The following ADGRL1 variants were observed in gnomAD, a reference collection of about 807,000 sequenced individuals.
ADGRL1 encodes the protein CIRL-1.
A neutral mutation model predicts 148.9 loss-of-function variants in ADGRL1; 31 were observed. The ratio of observed to expected loss-of-function variants is 0.21; its 90% CI spans 0.16 to 0.28. ADGRL1 has a LOEUF of 0.28. Among genes scored for constraint, ADGRL1 ranks in the 10% least tolerant of loss-of-function variants. ADGRL1 has a pLI of 1.00. For synonymous variants in ADGRL1, 937 were observed against 900.3 expected, an observed-to-expected ratio of 1.04 and a Z score of -0.73; for missense variants, 1,521 against 2,058.8, an observed-to-expected ratio of 0.74 and a Z score of 5.05.
At position 14,159,513 on chromosome 19, in the gene ADGRL1, C is replaced by T. The variant is rs376150835; in HGVS notation, c.1911G>A (p.Thr637=). Residue 637 remains threonine (T), a synonymous_variant, in exon 10 of 23, where the codon ACG becomes ACA. Transcript: ENST00000361434. This position sits in a 1 kb window ranked among gnomAD's most constrained non-coding sequence, Gnocchi z 6.0. ...GCATGGTGGCCGTGTGCACCTGCTC[C>T]GTGGCATTCATGTCCTTCCAGGACT... ...ALESWKDMNA[T]EQVHTATMLL... The T allele has an allele frequency of 8.1e-6, 13 of 1,612,604 alleles. No homozygotes were observed. Among genetic ancestry groups the T allele is most frequent in the African/African-American group, 5.3e-5 (4 of 74,892 alleles).
chr19:14,187,397 C>CA (rs1382020710), intron 1 of ADGRL1, among the ~76,000 whole-genome samples: 1 of 152,118 alleles, frequency 6.6e-6, no homozygotes, highest in Non-Finnish European at 1.5e-5. Flanking sequence ...CCCCACAGGG[C>CA]AGGACACCTG....
At chr19:14,170,603 T>C in intron 4 of ADGRL1, 79 bp downstream of exon 4, 2 of 824,704 alleles carry the variant, frequency 2.4e-6, no homozygotes, top group South Asian at 3.0e-5. Flanking sequence ...TGTGCACATG[T>C]GTGATGGGTC....
At position 14,160,545 on chromosome 19, in the gene ADGRL1, C is replaced by T. The variant is rs1969251347; in HGVS notation, c.1614+48G>A. The T allele has an allele frequency of 7.1e-7, 1 of 1,406,854 alleles. No individual in the cohort carries two copies. Among genetic ancestry groups the T allele is most frequent in the Non-Finnish European group, 9.7e-7 (1 of 1,029,674 alleles). The allele number at this position is 1,406,854 out of a possible 1,614,324, so 87.1% of individuals were successfully genotyped here. ...CCACGACCCCCGCTGGGCCCTGGGC[C>T]CTGGGCCCGAGCACATGTGCCTGCC... On this transcript the variant is annotated intron_variant, in intron 7 of 22. Transcript: ENST00000361434. The surrounding 1 kb of genome is among the most constrained non-coding windows in gnomAD (Gnocchi z 5.9).
At chr19:14,174,664 T>C (rs1970697190) in intron 3 of ADGRL1, among the ~76,000 whole-genome samples, 1 of 149,806 alleles carries the variant, frequency 6.7e-6, no homozygotes. Context: ...GCCTCCCAAG[T>C]ATCTGGGACT....
At chr19:14,153,920 G>C (rs1968471094) in intron 18 of ADGRL1, among the ~76,000 whole-genome samples, 1 of 151,230 alleles carries the variant, frequency 6.6e-6, no homozygotes. Context: ...CTAGCCTGGG[G>C]ACAGAACGAG....
At position 14,150,649 on chromosome 19, in the gene ADGRL1, T is replaced by A; in HGVS notation, c.*224A>T. 1 of 569,952 alleles carries A rather than the reference T, an allele frequency of 1.8e-6. No individual in the cohort carries two copies. The highest frequency in any genetic ancestry group is 3.1e-6 in the Non-Finnish European group (1 of 327,000). The allele number at this position is 569,952 out of a possible 1,614,324, so 35.3% of individuals were successfully genotyped here. A position where few individuals can be genotyped will look rare whatever the true frequency, so the allele number is the denominator to read the frequency against. On this transcript the variant is annotated 3_prime_UTR_variant, in exon 23 of 23. Transcript: ENST00000361434. Reference sequence around the variant, plus strand: ...TCCTCCTCACTACACTTCCCCCAAATAGAGCTGGTGCGTGTGGCTGGTGGG... The same window carrying A: ...TCCTCCTCACTACACTTCCCCCAAAAAGAGCTGGTGCGTGTGGCTGGTGGG...
At position 14,162,568 on chromosome 19, in the gene ADGRL1, G is replaced by A. The variant is rs745447698; in HGVS notation, c.1195+38C>T. 2 of 1,560,522 alleles carry A rather than the reference G, an allele frequency of 1.3e-6. No individual in the cohort carries two copies. The highest frequency in any genetic ancestry group is 4.5e-5 in the East Asian group (2 of 44,324). ...GTGGGTGGGGGTGGAGGGGACAAAG[G>A]CAAGCAGGCTCCATGCCTGGAAGTG... is the stretch of plus-strand genomic sequence containing the variant. On this transcript the variant is annotated intron_variant, in intron 5 of 22. Coordinates refer to ENST00000361434, the MANE Select transcript of ADGRL1 (RefSeq NM_014921.5). This position sits in a 1 kb window ranked among gnomAD's most constrained non-coding sequence, Gnocchi z 5.4.
At chr19:14,177,954 T>G (rs1970937304) in intron 2 of ADGRL1, among the ~76,000 whole-genome samples, 1 of 152,162 alleles carries the variant, frequency 6.6e-6, no homozygotes, top group Non-Finnish European at 1.5e-5. Context: ...GCCTGGACTC[T>G]CAGCTCCTAG....
chr19:14,194,402 G>A (rs1215767529), intron 1 of ADGRL1, among the ~76,000 whole-genome samples: 1 of 152,214 alleles, frequency 6.6e-6, no homozygotes, highest in African/African-American at 2.4e-5. Context: ...AACAGCAAAC[G>A]ACAGGGTGAG....
chr19:14,190,907 G>A, intron 1 of ADGRL1: 1 of 363,984 alleles, frequency 2.7e-6, no homozygotes, highest in Non-Finnish European at 5.5e-6. Flanking sequence ...GGCCAACATG[G>A]TGAAACCCCA....
chr19:14,201,585 TA>T (rs376468100), intron 1 of ADGRL1, among the ~76,000 whole-genome samples: 25 of 150,294 alleles, frequency 1.7e-4, no homozygotes, highest in African/African-American at 4.6e-4. Context: ...GCCCAACTAT[TA>T]AAAAAAAAAT....
chr19:14,153,671 C>T (rs1968447186), intron 18 of ADGRL1, among the ~76,000 whole-genome samples: 1 of 144,982 alleles, frequency 6.9e-6, no homozygotes, highest in Non-Finnish European at 1.5e-5. Flanking sequence ...TCAGAGGAGG[C>T]CAGGCATGGT....
Position 14,162,194 on chromosome 19 carries a change from G to C in ADGRL1, c.1195+412C>G, listed in dbSNP as rs936844771. Among the ~76,000 whole-genome samples, 3 of 152,130 alleles carry C rather than the reference G, an allele frequency of 2.0e-5. No homozygotes were observed. Among genetic ancestry groups the C allele is most frequent in the Non-Finnish European group, 4.4e-5 (3 of 68,008 alleles). The stretch of plus-strand genomic sequence containing the variant: ...AAGACTGCAGAGTTGCCCTCAGCCC[G>C]GTCAGCATCAGCAGCTCAGCTCTTT... On this transcript the variant is annotated intron_variant, in intron 5 of 22. Coordinates refer to ENST00000361434, the MANE Select transcript of ADGRL1 (RefSeq NM_014921.5). The surrounding 1 kb of genome is among the most constrained non-coding windows in gnomAD (Gnocchi z 5.4).
Position 14,159,925 on chromosome 19 carries a change from C to A in ADGRL1, c.1801-152G>T, listed in dbSNP as rs1002059795. 2 of 999,124 alleles carry A rather than the reference C, an allele frequency of 2.0e-6. No homozygotes were observed. The highest frequency in any genetic ancestry group is 3.1e-6 in the Non-Finnish European group (2 of 655,668). 61.9% of individuals were successfully genotyped at this position (999,124 alleles called of 1,614,324 possible). ...GACATTCCTCAGGGATCCCCAACCC[C>A]CAGGACCATCCGGGGCAGCACAGGA... On this transcript the variant is annotated intron_variant, in intron 8 of 22. Coordinates refer to ENST00000361434, the MANE Select transcript of ADGRL1 (RefSeq NM_014921.5). This position sits in a 1 kb window ranked among gnomAD's most constrained non-coding sequence, Gnocchi z 6.0.
chr19:14,180,898 A>AT (rs1971145522), intron 2 of ADGRL1, among the ~76,000 whole-genome samples: 1 of 151,840 alleles, frequency 6.6e-6, no homozygotes, highest in Non-Finnish European at 1.5e-5. Context: ...CTGTGAGCAA[A>AT]TTAGCCGGGC....
chr19:14,155,379 G>T lies in ADGRL1; in HGVS notation c.3274C>A (p.His1092Asn). The change falls in exon 18 of 23, where the codon CAC becomes AAC. Residue 1092 changes from histidine (H) to asparagine (N), a missense_variant. His to Asn is a moderately conservative substitution (Grantham distance 68). Around this residue, in one of 8 missense-constraint regions of ADGRL1, gnomAD observed 185 missense variants for 251.7 expected, o/e 0.74. Transcript: ENST00000361434. The surrounding 1 kb of genome is among the most constrained non-coding windows in gnomAD (Gnocchi z 5.0). Reference sequence around the variant, plus strand: ...CTCACCTTCTTCTGTAAGGCGCAGTGAAAGACGAAGATGAAGACCCCCTGG... The same window carrying T: ...CTCACCTTCTTCTGTAAGGCGCAGTTAAAGACGAAGATGAAGACCCCCTGG... ...AFQGVFIFVF[H>N]CALQKKVHKE... is the part of the protein sequence containing the mutation. 2.5e-6 allele frequency: 4 copies of T among 1,614,024 alleles called. No individual in the cohort carries two copies. Among genetic ancestry groups the T allele is most frequent in the South Asian group, 2.2e-5 (2 of 91,046 alleles).
At position 14,160,860 on chromosome 19, in the gene ADGRL1, A is replaced by G. The variant is rs1399004587; in HGVS notation, c.1511-164T>C. Among the ~76,000 whole-genome samples the G allele has an allele frequency of 2.6e-5, 4 of 152,088 alleles. No individual in the cohort carries two copies. Among genetic ancestry groups the G allele is most frequent in the African/African-American group, 9.7e-5 (4 of 41,406 alleles). ...GACATGAAGCGGGCTGGACAGTCGAAAGAGGCGCCACTCACTTCCCCTGAG... is the reference window on the plus strand; with the variant it reads ...GACATGAAGCGGGCTGGACAGTCGAGAGAGGCGCCACTCACTTCCCCTGAG... On this transcript the variant is annotated intron_variant, in intron 6 of 22. Transcript: ENST00000361434. The surrounding 1 kb of genome is among the most constrained non-coding windows in gnomAD (Gnocchi z 5.9).
intron 4 of ADGRL1, among the ~76,000 whole-genome samples, chr19:14,163,888 C>T (rs1969691417): frequency 6.6e-6 from 1 of 152,084 alleles, no homozygotes; most frequent in Non-Finnish European, 1.5e-5. Context: ...TCTTCTCTGC[C>T]ACTTAGGGAA....
intron 4 of ADGRL1, among the ~76,000 whole-genome samples, chr19:14,165,553 TC>T (rs1341726034): frequency 6.6e-6 from 1 of 152,036 alleles, no homozygotes; most frequent in African/African-American, 2.4e-5. Context: ...AAACTCCCAA[TC>T]CCTCCTCTTC....
Sources: allele counts gnomAD v4.1 joint callset (sites outside exome capture counted in the v4.1 genomes callset), GRCh38; gene constraint gnomAD v4.1.1; regional missense constraint gnomAD v4.1.1; non-coding constraint Gnocchi (gnomAD v3.1); transcripts MANE v1.5; gene names NCBI Gene and HGNC (gene_info 2026-07-23, HGNC 2026-07-21).